PCDHA6: variants seen among roughly 807,000 people sequenced by gnomAD.
The protein encoded by PCDHA6 is protocadherin alpha-6.
In PCDHA6, 55 loss-of-function variants were observed where a neutral mutation model predicts 60.3. The ratio of observed to expected loss-of-function variants is 0.91; its 90% CI spans 0.73 to 1.14. PCDHA6 has a LOEUF of 1.14. PCDHA6 is among the 50% of genes most tolerant of loss of function. The pLI is 0.00. For missense variants in PCDHA6, 1,327 were observed against 1,256.5 expected, an observed-to-expected ratio of 1.06 and a Z score of -0.85; for synonymous variants, 652 against 557.9, an observed-to-expected ratio of 1.17 and a Z score of -2.38.
intron 1 of PCDHA6, among the ~76,000 whole-genome samples, chr5:140,933,853 A>G (rs192647657): frequency 6.6e-6 from 1 of 151,684 alleles, no homozygotes; most frequent in Non-Finnish European, 1.5e-5. Flanking sequence ...TGTACCTTTA[A>G]TTTTTTCAGA....
chr5:140,907,693 G>A (rs573463032), intron 1 of PCDHA6, among the ~76,000 whole-genome samples: 49 of 152,318 alleles, frequency 3.2e-4, no homozygotes, highest in Non-Finnish European at 6.5e-4. Flanking sequence ...GTGAGTGGAA[G>A]TCCCTGTTGC....
chr5:141,006,405 C>T (rs782532612), intron 3 of PCDHA6, among the ~76,000 whole-genome samples: 28 of 151,916 alleles, frequency 1.8e-4, no homozygotes, highest in Middle Eastern at 6.8e-3. Context: ...AGTAGAGACG[C>T]GGTTTCACTG....
rs2150532197 is a variant in PCDHA6, at chr5:140,853,456, T to A, written c.2394+22971T>A. 114 of 975,538 alleles carry A rather than the reference T, an allele frequency of 1.2e-4. 11 individuals are homozygous for A. The Admixed American group carries it at 6.5e-3, about 55-fold the overall frequency. The allele number at this position is 975,538 out of a possible 1,614,324, so 60.4% of individuals were successfully genotyped here. A position where few individuals can be genotyped will look rare whatever the true frequency, so the allele number is the denominator to read the frequency against. ...TCCTATTTTGCCTAATAGGTCTCCT[T>A]ATATGCATCTGTAGTTAACATTCCT... On this transcript the variant is annotated intron_variant, in intron 1 of 3. Transcript: ENST00000529310.
chr5:140,932,920 A>G (rs1397195310), intron 1 of PCDHA6, among the ~76,000 whole-genome samples: 3 of 152,034 alleles, frequency 2.0e-5, no homozygotes, highest in Non-Finnish European at 4.4e-5. Flanking sequence ...CAACAACTAA[A>G]TTAACTTAGC....
At chr5:140,857,335 G>T in intron 1 of PCDHA6, 1 of 1,598,584 alleles carries the variant, frequency 6.3e-7, no homozygotes, top group South Asian at 1.1e-5. Flanking sequence ...CGCGGGACGG[G>T]GGCTCGCCTC....
chr5:140,941,198 T>TC (rs1563184066), intron 1 of PCDHA6, among the ~76,000 whole-genome samples: 3 of 119,812 alleles, frequency 2.5e-5, no homozygotes, highest in African/African-American at 1.0e-4. Flanking sequence ...TTTTTTTCTT[T>TC]CTTCCTTTCT....
intron 3 of PCDHA6, among the ~76,000 whole-genome samples, chr5:140,993,075 G>A (rs531612224): frequency 1.3e-3 from 191 of 152,324 alleles, no homozygotes; most frequent in African/African-American, 4.5e-3. Flanking sequence ...CCTGCAGTCT[G>A]CAATCAGCAG....
chr5:140,881,398 A>G, intron 1 of PCDHA6: 1 of 975,546 alleles, frequency 1.0e-6, no homozygotes, highest in Non-Finnish European at 1.2e-6. Context: ...GTTAAATTCT[A>G]TTAAATCAAT....
chr5:140,930,668 T>C (rs2087022080), intron 1 of PCDHA6, among the ~76,000 whole-genome samples: 1 of 152,216 alleles, frequency 6.6e-6, no homozygotes, highest in South Asian at 2.1e-4. Flanking sequence ...GTTTTACTAT[T>C]CTAGGCAATA....
intron 1 of PCDHA6, among the ~76,000 whole-genome samples, chr5:140,953,094 C>A (rs2094845891): frequency 6.6e-6 from 1 of 152,172 alleles, no homozygotes; most frequent in South Asian, 2.1e-4. Flanking sequence ...TACAATTTGA[C>A]ATGAGATTTG....
intron 1 of PCDHA6, chr5:140,968,472 T>C (rs1554230782): frequency 6.2e-7 from 1 of 1,614,130 alleles, no homozygotes; most frequent in Non-Finnish European, 8.5e-7. Context: ...AACGTATATG[T>C]GGTGGACATG....
intron 3 of PCDHA6, among the ~76,000 whole-genome samples, chr5:140,993,781 A>T (rs1587593339): frequency 6.6e-6 from 1 of 152,216 alleles, no homozygotes; most frequent in African/African-American, 2.4e-5. Flanking sequence ...TATTTTGTAC[A>T]GTAACATGCT....
At chr5:141,005,701 C>CA (rs59860837) in intron 3 of PCDHA6, among the ~76,000 whole-genome samples, 506 of 7,758 alleles carry the variant, frequency 0.065, 109 homozygotes, top group Non-Finnish European at 0.076. Context: ...AACTCCGTCT[C>CA]AAAAAAAAAA....
rs1422788962 is a variant in PCDHA6, at chr5:140,847,584, A to G, written c.2394+17099A>G. ...GCCCCGAGTACTAAGGATGAGCAAT[A>G]ATGAAATTAAAACATATTGTAATAA... On this transcript the variant is annotated intron_variant, in intron 1 of 3. Coordinates refer to ENST00000529310, the MANE Select transcript of PCDHA6 (RefSeq NM_018909.4). The G allele has an allele frequency of 1.1e-4, 16 of 149,668 alleles. No homozygotes were observed. In the Admixed American group the frequency reaches 1.1e-3, roughly 10 times the overall value. 9.3% of individuals were successfully genotyped at this position (149,668 alleles called of 1,614,324 possible).
At chr5:140,924,881 C>T (rs1177812297) in intron 1 of PCDHA6, among the ~76,000 whole-genome samples, 20 of 141,170 alleles carry the variant, frequency 1.4e-4, no homozygotes, top group African/African-American at 5.5e-4. Flanking sequence ...GGTGACAGAG[C>T]AAGAACCTGT....
chr5:140,927,611 C>T, intron 1 of PCDHA6: 1 of 1,614,164 alleles, frequency 6.2e-7, no homozygotes, highest in Admixed American at 1.7e-5. Context: ...GTATACCGCA[C>T]CAAGGTTCCA....
chr5:140,876,144 G>C (rs782301739), intron 1 of PCDHA6: 1 of 1,613,964 alleles, frequency 6.2e-7, no homozygotes, highest in South Asian at 1.1e-5. Context: ...AACTAACAGG[G>C]TCTGTCCAGA....
chr5:140,869,465 T>G (rs1291817814), intron 1 of PCDHA6: 7 of 1,614,026 alleles, frequency 4.3e-6, no homozygotes, highest in Non-Finnish European at 5.9e-6. Context: ...CATGTGAACG[T>G]GGAGGTGAAG....
intron 1 of PCDHA6, among the ~76,000 whole-genome samples, chr5:140,909,836 C>T (rs2074710574): frequency 6.6e-6 from 1 of 152,176 alleles, no homozygotes; most frequent in South Asian, 2.1e-4. Flanking sequence ...ACTGGAGGAC[C>T]ACCAGGACGT....
Sources: gnomAD v4.1 joint callset for allele counts (sites outside exome capture counted in the v4.1 genomes callset) on GRCh38, gnomAD v4.1.1 for gene constraint, MANE v1.5 for transcripts, NCBI Gene and HGNC (gene_info 2026-07-23, HGNC 2026-07-21) for gene names.